The following VAMP7 variants were observed in gnomAD, a reference collection of about 807,000 sequenced individuals.
VAMP7 encodes vesicle-associated membrane protein 7.
A neutral mutation model predicts 29.6 loss-of-function variants in VAMP7; 14 were observed. That is an observed-to-expected ratio of 0.47 (90% CI 0.31 to 0.74). The LOEUF (loss-of-function observed/expected upper bound fraction) is 0.74, where lower values mean the gene tolerates loss of function less well. Ranked by LOEUF, VAMP7 falls within the 30% of genes least tolerant of loss-of-function variation. The pLI, the probability that VAMP7 is intolerant of heterozygous loss-of-function variation, is 0.05. For missense variants in VAMP7, 223 were observed against 262.4 expected (o/e 0.85, Z 1.04); for synonymous variants, 95 against 88.1 (o/e 1.08, Z -0.44).
chrX:155,925,414 G>A (rs188006706), intron 6 of VAMP7, among the ~76,000 whole-genome samples: 1 of 152,168 alleles, frequency 6.6e-6, no homozygotes, highest in Non-Finnish European at 1.5e-5. Flanking sequence ...GTATTAGCAG[G>A]TGTGAACCCC....
intron 7 of VAMP7, 56 bp downstream of exon 7, chrX:155,939,849 G>A (rs1322188160): frequency 3.7e-6 from 5 of 1,349,448 alleles, no homozygotes; most frequent in African/African-American, 2.9e-5. Context: ...AAGAAATTAG[G>A]TACTAGAATT....
At position 155,919,800 on chromosome X, in the gene VAMP7, C is replaced by T. The variant is rs1184502897; in HGVS notation, c.434-13C>T. ...GGAAAACTTGACCTTTTCTACTTTT[C>T]CAATATTTTCAGATCTGGTAGCTCA... On this transcript the variant is annotated splice_polypyrimidine_tract_variant and intron_variant, in intron 5 of 7. Transcript: ENST00000286448. The T allele has an allele frequency of 6.8e-6, 11 of 1,607,270 alleles. No homozygotes were observed. Among genetic ancestry groups the T allele is most frequent in the African/African-American group, 1.3e-5 (1 of 74,632 alleles).
intron 6 of VAMP7, among the ~76,000 whole-genome samples, chrX:155,937,892 C>T (rs1318222443): frequency 2.6e-5 from 4 of 152,082 alleles, no homozygotes; most frequent in Non-Finnish European, 5.9e-5. Flanking sequence ...TATCTTACAT[C>T]TTCTTTCATG....
chrX:155,922,657 T>C (rs1367963109), intron 6 of VAMP7, among the ~76,000 whole-genome samples: 1 of 152,074 alleles, frequency 6.6e-6, no homozygotes, highest in East Asian at 1.9e-4. Flanking sequence ...TAGTGGTCTG[T>C]AATTTATTTT....
intron 6 of VAMP7, among the ~76,000 whole-genome samples, chrX:155,935,237 A>G (rs1461071791): frequency 6.6e-6 from 1 of 151,900 alleles, no homozygotes. Context: ...CTGAATTTGA[A>G]TGTTGGCCTG....
intron 1 of VAMP7, among the ~76,000 whole-genome samples, chrX:155,887,772 A>T: frequency 6.6e-6 from 1 of 151,990 alleles, no homozygotes; most frequent in Middle Eastern, 3.4e-3. Context: ...GTACAAAAAA[A>T]AATACAAAAA....
intron 6 of VAMP7, among the ~76,000 whole-genome samples, chrX:155,936,635 C>G (rs2066661157): frequency 6.6e-5 from 10 of 152,208 alleles, no homozygotes. Context: ...TTCCCTGACC[C>G]CTTGTGCTTC....
At chrX:155,904,818 CATT>C (rs1346674673) in intron 5 of VAMP7, among the ~76,000 whole-genome samples, 1 of 151,098 alleles carries the variant, frequency 6.6e-6, no homozygotes, top group Non-Finnish European at 1.5e-5. Context: ...TGTATCTACT[CATT>C]AGTTCATGGT....
chrX:155,893,953 A>G (rs1185992704), intron 2 of VAMP7, among the ~76,000 whole-genome samples: 2 of 152,210 alleles, frequency 1.3e-5, no homozygotes, highest in African/African-American at 4.8e-5. Context: ...ATTGGTGGAA[A>G]TGGTGCAAAT....
chrX:155,932,300 G>A (rs1209509719), intron 6 of VAMP7, among the ~76,000 whole-genome samples: 4 of 152,290 alleles, frequency 2.6e-5, no homozygotes, highest in African/African-American at 7.2e-5. Flanking sequence ...ACCTTGGGCA[G>A]TATGGCCATT....
Position 155,939,172 on chromosome X carries a change from C to T in VAMP7, c.502-529C>T, listed in dbSNP as rs768462431. On this transcript the variant is annotated intron_variant, in intron 6 of 7. Transcript: ENST00000286448. Reference sequence around the variant, plus strand: ...CCATTTTGTTTTAAACTCCTTGTGTCCTGGTGGGAATTGTTCAGTAGATAC... The same window carrying T: ...CCATTTTGTTTTAAACTCCTTGTGTTCTGGTGGGAATTGTTCAGTAGATAC... Among the ~76,000 whole-genome samples the T allele has an allele frequency of 1.2e-3, 179 of 152,066 alleles. 1 individual carries two copies. The highest frequency in any genetic ancestry group is 4.2e-3 in the African/African-American group (173 of 41,450).
At chrX:155,894,853 C>T (rs1188998869) in intron 2 of VAMP7, among the ~76,000 whole-genome samples, 33 of 151,968 alleles carry the variant, frequency 2.2e-4, no homozygotes, top group Non-Finnish European at 4.3e-4. Flanking sequence ...TGAGCTCAAG[C>T]GATCTGCCCG....
chrX:155,919,840 T>G lies in VAMP7; in HGVS notation c.461T>G (p.Leu154Trp). The change falls in exon 6 of 8, where the codon TTG becomes TGG. Residue 154 changes from leucine (L) to tryptophan (W), a missense_variant. By Grantham distance (61) the Leu-to-Trp change is moderately conservative (BLOSUM62 -2). Transcript: ENST00000286448. ...IDLVAQRGER[L>W]ELLIDKTENL... ...CTGGTAGCTCAGCGAGGAGAAAGAT[T>G]GGAATTATTGATTGACAAAACAGAA... 6.2e-7 allele frequency: 1 copy of G among 1,613,448 alleles called. No homozygotes were observed. Among genetic ancestry groups the G allele is most frequent in the Non-Finnish European group, 8.5e-7 (1 of 1,179,678 alleles).
Position 155,899,542 on chromosome X carries a change from G to GCACA in VAMP7, c.343-943_343-940dup, listed in dbSNP as rs34027276. ...TGAGTATTACATTTCTAAATTTTATGCACACACACACACACGCACACACAT... is the reference window on the plus strand; with the variant it reads ...TGAGTATTACATTTCTAAATTTTATGCACACACACACACACACACGCACACACAT... On this transcript the variant is annotated intron_variant, in intron 4 of 7. Coordinates refer to ENST00000286448, the MANE Select transcript of VAMP7 (RefSeq NM_005638.6). Among the ~76,000 whole-genome samples, 334 of 150,440 alleles carry GCACA rather than the reference G, an allele frequency of 2.2e-3. 4 individuals carry two copies. The highest frequency in any genetic ancestry group is 6.6e-3 in the African/African-American group (270 of 41,048).
At chrX:155,901,300 A>C (rs900295120) in intron 5 of VAMP7, among the ~76,000 whole-genome samples, 10 of 152,068 alleles carry the variant, frequency 6.6e-5, no homozygotes, top group Admixed American at 5.9e-4. Flanking sequence ...TTTAGTTTTA[A>C]TTATATATCT....
Position 155,900,513 on chromosome X carries a change from A to G in VAMP7, c.359A>G (p.Asn120Ser). 2 of 1,609,966 alleles carry G rather than the reference A, an allele frequency of 1.2e-6. No individual in the cohort carries two copies. The highest frequency in any genetic ancestry group is 4.5e-5 in the East Asian group (2 of 44,768). Residue 120 changes from asparagine (N) to serine (S), a missense_variant, in exon 5 of 8, where the codon AAT (asparagine) becomes AGT (serine). Transcript: ENST00000286448. Reference sequence around the variant, plus strand: ...TTCTTATAGAAGCATCACTCTGAGAATAAGGGCCTAGACAAAGTGATGGAG... The same window carrying G: ...TTCTTATAGAAGCATCACTCTGAGAGTAAGGGCCTAGACAAAGTGATGGAG... ...LAAQLKHHSE[N>S]KGLDKVMETQ...
At chrX:155,901,824 C>G (rs894173624) in intron 5 of VAMP7, among the ~76,000 whole-genome samples, 3 of 152,122 alleles carry the variant, frequency 2.0e-5, no homozygotes, top group East Asian at 1.9e-4. Flanking sequence ...CAGCTTTGTT[C>G]TTTTGGCATA....
chrX:155,900,620 G>C, intron 5 of VAMP7, 33 bp downstream of exon 5: 1 of 1,549,794 alleles, frequency 6.5e-7, no homozygotes. Flanking sequence ...ATGCATGTGG[G>C]CAAAAATGAT....
intron 6 of VAMP7, among the ~76,000 whole-genome samples, chrX:155,927,954 T>G (rs1569448851): frequency 6.6e-6 from 1 of 152,124 alleles, no homozygotes; most frequent in Non-Finnish European, 1.5e-5. Context: ...AGTCTCTCTC[T>G]CTCACCCAGG....
Sources: allele counts gnomAD v4.1 joint callset (sites outside exome capture counted in the v4.1 genomes callset), GRCh38; gene constraint gnomAD v4.1.1; transcripts MANE v1.5; gene names NCBI Gene and HGNC (gene_info 2026-07-23, HGNC 2026-07-21).